TBCE: variants seen among roughly 807,000 people sequenced by gnomAD.
TBCE encodes tubulin-specific chaperone E.
Under a neutral mutation model 77.0 loss-of-function variants are expected in TBCE, and 53 were observed. The ratio of observed to expected loss-of-function variants is 0.69; its 90% confidence interval spans 0.55 to 0.87. The LOEUF (loss-of-function observed/expected upper bound fraction) is 0.87. TBCE is among the 40% of genes least tolerant of loss of function. The probability of loss-of-function intolerance (pLI) is 0.00; values close to 1 mark genes in which losing one functional copy is unlikely to be tolerated. For synonymous variants in TBCE, 235 were observed against 241.3 expected (o/e 0.97, Z 0.24); for missense variants, 624 against 622.4 (o/e 1.00, Z -0.03).
intron 1 of TBCE, among the ~76,000 whole-genome samples, chr1:235,376,121 T>A (rs1677280929): frequency 6.6e-6 from 1 of 151,998 alleles, no homozygotes; most frequent in Non-Finnish European, 1.5e-5. Flanking sequence ...CCTAATGATC[T>A]CATTGGTCAT....
chr1:235,368,250 G>C (rs1676682515), intron 1 of TBCE, among the ~76,000 whole-genome samples: 1 of 152,136 alleles, frequency 6.6e-6, no homozygotes, highest in East Asian at 1.9e-4. Flanking sequence ...AATGGGGACT[G>C]TTCTAAGTTG....
At chr1:235,420,318 CTTT>C (rs796709432) in intron 5 of TBCE, among the ~76,000 whole-genome samples, 1 of 141,290 alleles carries the variant, frequency 7.1e-6, no homozygotes, top group African/African-American at 2.6e-5. Context: ...TCATGCAGTT[CTTT>C]TTTTTTTTTT....
intron 2 of TBCE, among the ~76,000 whole-genome samples, chr1:235,398,101 C>A (rs963777393): frequency 1.3e-5 from 2 of 151,692 alleles, no homozygotes; most frequent in African/African-American, 4.8e-5. Flanking sequence ...ATCAATTCAA[C>A]CCATTCTGAT....
chr1:235,388,575 C>T (rs1056575388), intron 2 of TBCE, among the ~76,000 whole-genome samples: 1 of 152,168 alleles, frequency 6.6e-6, no homozygotes, highest in African/African-American at 2.4e-5. Context: ...GGGCATGAGC[C>T]ACTGCACCTG....
intron 4 of TBCE, among the ~76,000 whole-genome samples, chr1:235,416,923 T>C (rs1680144440): frequency 1.3e-5 from 2 of 152,206 alleles, no homozygotes; most frequent in South Asian, 4.1e-4. Flanking sequence ...GATAGCTGCT[T>C]ATTGTTTCTA....
intron 2 of TBCE, among the ~76,000 whole-genome samples, chr1:235,383,804 T>C (rs1299455325): frequency 6.6e-6 from 1 of 152,288 alleles, no homozygotes; most frequent in South Asian, 2.1e-4. Context: ...TGAATACCCT[T>C]TGTTTCCTTC....
At chr1:235,383,530 A>G (rs1677813102) in intron 2 of TBCE, among the ~76,000 whole-genome samples, 1 of 152,068 alleles carries the variant, frequency 6.6e-6, no homozygotes, top group Non-Finnish European at 1.5e-5. Context: ...GAGGTCCTTC[A>G]TGTCCCTTGT....
At chr1:235,407,090 A>G (rs1572377279) in intron 3 of TBCE, among the ~76,000 whole-genome samples, 1 of 151,186 alleles carries the variant, frequency 6.6e-6, no homozygotes. Context: ...TGGCCTCCCA[A>G]AGTGCTGGGA....
intron 6 of TBCE, among the ~76,000 whole-genome samples, chr1:235,428,073 C>A (rs1337885584): frequency 6.6e-6 from 1 of 151,566 alleles, no homozygotes; most frequent in Non-Finnish European, 1.5e-5. Flanking sequence ...GCCTGGAATC[C>A]CAACACTTTG....
intron 2 of TBCE, among the ~76,000 whole-genome samples, chr1:235,382,289 C>T (rs1182422892): frequency 6.6e-6 from 1 of 151,990 alleles, no homozygotes; most frequent in Non-Finnish European, 1.5e-5. Context: ...GTGCATGTGT[C>T]TTTATAGCAG....
chr1:235,443,527 A>C (rs1473270799), intron 15 of TBCE, among the ~76,000 whole-genome samples: 1 of 152,160 alleles, frequency 6.6e-6, no homozygotes, highest in Non-Finnish European at 1.5e-5. Context: ...TTAACCAAAA[A>C]ACCTGAGACC....
At chr1:235,398,142 C>CTTTTTTTT (rs11285697) in intron 2 of TBCE, among the ~76,000 whole-genome samples, 1 of 129,742 alleles carries the variant, frequency 7.7e-6, no homozygotes. Flanking sequence ...TTACTTCTTT[C>CTTTTTTTT]TTTTTTTTTT....
intron 4 of TBCE, 130 bp from the exon 5 acceptor site, chr1:235,419,343 G>C: frequency 7.7e-7 from 1 of 1,293,934 alleles, no homozygotes; most frequent in South Asian, 1.3e-5. Context: ...CTTAATTTGG[G>C]TGGTGGTTAC....
intron 6 of TBCE, among the ~76,000 whole-genome samples, chr1:235,428,047 A>G (rs931440988): frequency 6.8e-6 from 1 of 147,900 alleles, no homozygotes; most frequent in East Asian, 2.0e-4. Flanking sequence ...AACAAGGGCC[A>G]GGCGCAGTGG....
intron 2 of TBCE, among the ~76,000 whole-genome samples, chr1:235,381,887 A>G (rs1305224810): frequency 1.3e-5 from 2 of 149,356 alleles, no homozygotes; most frequent in African/African-American, 4.9e-5. Context: ...ATATGTATAC[A>G]TGTGCCATGC....
rs187782129 is a variant in TBCE, at chr1:235,405,457, T to G, written c.185+3870T>G. On this transcript the variant is annotated intron_variant, in intron 3 of 16. Transcript: ENST00000642610. ...TCGGGACCACCCTGGCCAACATGGT[T>G]AAACCCCGTCTCTACTAAAAACAGA... Among the ~76,000 whole-genome samples the G allele has an allele frequency of 4.0e-3, 601 of 151,506 alleles. 4 individuals are homozygous for G. Among genetic ancestry groups the G allele is most frequent in the African/African-American group, 0.014 (573 of 41,332 alleles).
intron 2 of TBCE, among the ~76,000 whole-genome samples, chr1:235,400,486 C>T (rs1371633999): frequency 2.1e-5 from 3 of 145,172 alleles, no homozygotes; most frequent in Non-Finnish European, 3.0e-5. Context: ...CTGCAACCTC[C>T]GCCTTCCGGG....
chr1:235,445,513 G>A (rs938858169), intron 15 of TBCE, among the ~76,000 whole-genome samples: 1 of 152,144 alleles, frequency 6.6e-6, no homozygotes, highest in African/African-American at 2.4e-5. Context: ...GTGCATGCCT[G>A]TAGTCCCAGC....
intron 3 of TBCE, among the ~76,000 whole-genome samples, chr1:235,408,817 G>A (rs1280665545): frequency 6.6e-6 from 1 of 152,030 alleles, no homozygotes; most frequent in Admixed American, 6.6e-5. Flanking sequence ...AAGATCAACA[G>A]TATTTATTAG....
Sources: allele counts gnomAD v4.1 joint callset (sites outside exome capture counted in the v4.1 genomes callset), GRCh38; gene constraint gnomAD v4.1.1; transcripts MANE v1.5; gene names NCBI Gene and HGNC (gene_info 2026-07-23, HGNC 2026-07-21).